Variants in NELL1 observed in about 807,000 individuals in gnomAD.
The protein encoded by NELL1 is protein kinase C-binding protein NELL1.
NELL1 carries 76 observed loss-of-function variants against 107.4 expected under a neutral mutation model. That is an observed-to-expected ratio of 0.71 (90% CI 0.59 to 0.86). The LOEUF is 0.86. Among genes scored for constraint, NELL1 ranks in the 40% least tolerant of loss-of-function variants. The pLI, the probability that NELL1 is intolerant of heterozygous loss-of-function variation, is 0.00. For missense variants in NELL1, 1,024 were observed against 1,005.5 expected (o/e 1.02, Z -0.25); for synonymous variants, 353 against 341.2 (o/e 1.03, Z -0.38).
At chr11:21,294,422 C>T (rs1236189104) in intron 14 of NELL1, among the ~76,000 whole-genome samples, 30 of 152,056 alleles carry the variant, frequency 2.0e-4, no homozygotes, top group Non-Finnish European at 4.4e-5. Context: ...GAGTAGGAAA[C>T]ATATTCAATC....
At chr11:21,355,821 G>A (rs1850919367) in intron 14 of NELL1, among the ~76,000 whole-genome samples, 1 of 152,042 alleles carries the variant, frequency 6.6e-6, no homozygotes, top group Admixed American at 6.6e-5. Context: ...TGACCTTCTG[G>A]TCAGAAGAGT....
intron 14 of NELL1, among the ~76,000 whole-genome samples, chr11:21,247,086 A>G (rs1332490214): frequency 6.6e-6 from 1 of 152,148 alleles, no homozygotes; most frequent in Non-Finnish European, 1.5e-5. Flanking sequence ...TGGTACACCT[A>G]TATAGGGCAC....
At position 21,049,941 on chromosome 11, in the gene NELL1, G is replaced by A. The variant is rs920744801; in HGVS notation, c.1301-63648G>A. 1.9e-3 allele frequency among the ~76,000 whole-genome samples: 204 copies of A among 106,882 alleles called. 1 individual carries two copies. Among genetic ancestry groups the A allele is most frequent in the Admixed American group, 2.1e-3 (25 of 11,772 alleles). 70.1% of individuals were successfully genotyped at this position (106,882 alleles called of 152,430 possible). ...TAATTAATTCGTGCCATTAATTTGT[G>A]GCCTATTGCAGGCCTGAATTCAATG... On this transcript the variant is annotated intron_variant, in intron 12 of 19. Transcript: ENST00000357134.
At chr11:20,813,480 C>G (rs1857548440) in intron 3 of NELL1, among the ~76,000 whole-genome samples, 1 of 151,238 alleles carries the variant, frequency 6.6e-6, no homozygotes, top group Admixed American at 6.6e-5. Context: ...AAAAAAAAAC[C>G]ATTGCTGGCT....
In NELL1 at chr11:21,344,513, C is replaced by CT. The variant is rs571641852; in HGVS notation, c.1550-26330dup. On this transcript the variant is annotated intron_variant, in intron 14 of 19. Coordinates refer to ENST00000357134, the MANE Select transcript of NELL1 (RefSeq NM_006157.5). Reference sequence around the variant, plus strand: ...GTTCTAGGCCTCTCATAACAATTTTCTTTTTTTTTTCTCTGTTTAAAAACT... The same window carrying CT: ...GTTCTAGGCCTCTCATAACAATTTTCTTTTTTTTTTTCTCTGTTTAAAAACT... 1.1e-3 allele frequency among the ~76,000 whole-genome samples: 169 copies of CT among 149,164 alleles called. 3 individuals are homozygous for CT. In the South Asian group the frequency reaches 0.024, roughly 21 times the overall value.
chr11:20,946,516 G>A (rs1338629179), intron 10 of NELL1, among the ~76,000 whole-genome samples: 1 of 152,124 alleles, frequency 6.6e-6, no homozygotes, highest in Non-Finnish European at 1.5e-5. Context: ...TATTACACAC[G>A]TTATTGTAAG....
intron 14 of NELL1, among the ~76,000 whole-genome samples, chr11:21,243,102 GGAT>G (rs1356908384): frequency 7.9e-5 from 12 of 152,004 alleles, no homozygotes. Flanking sequence ...ACTCATTTGA[GGAT>G]GATGCCATTT....
intron 13 of NELL1, among the ~76,000 whole-genome samples, chr11:21,167,888 A>G (rs1193032483): frequency 1.3e-5 from 2 of 151,798 alleles, no homozygotes; most frequent in African/African-American, 4.9e-5. Context: ...ACTTACCTAC[A>G]GAAAACCAAA....
At chr11:21,135,935 G>T (rs1230665384) in intron 13 of NELL1, among the ~76,000 whole-genome samples, 2 of 152,088 alleles carry the variant, frequency 1.3e-5, no homozygotes, top group Non-Finnish European at 2.9e-5. Flanking sequence ...TAGCACGTGA[G>T]CCCCCAGGAT....
intron 12 of NELL1, among the ~76,000 whole-genome samples, chr11:21,070,408 G>A (rs1411288066): frequency 6.6e-6 from 1 of 152,034 alleles, no homozygotes; most frequent in African/African-American, 2.4e-5. Flanking sequence ...TCTCCAAATG[G>A]TATTATAAGG....
intron 18 of NELL1, among the ~76,000 whole-genome samples, chr11:21,572,645 C>T (rs1374242837): frequency 6.6e-6 from 1 of 151,834 alleles, no homozygotes; most frequent in African/African-American, 2.4e-5. Flanking sequence ...TCAGTGGTCA[C>T]ATGTTATATT....
chr11:20,721,219 ATATATATATTTTGTT>A (rs1294329060), intron 2 of NELL1, among the ~76,000 whole-genome samples: 14 of 101,202 alleles, frequency 1.4e-4, no homozygotes, highest in African/African-American at 4.5e-4. Flanking sequence ...TATTTTGTTT[ATATATATATTTTGTT>A]TATATATATA....
chr11:20,917,388 A>G (rs1590413220), intron 5 of NELL1, among the ~76,000 whole-genome samples: 1 of 152,000 alleles, frequency 6.6e-6, no homozygotes, highest in Non-Finnish European at 1.5e-5. Context: ...AGATAAGCAC[A>G]TATATGTTAA....
intron 14 of NELL1, among the ~76,000 whole-genome samples, chr11:21,314,568 G>C (rs1282044054): frequency 1.3e-5 from 2 of 152,108 alleles, no homozygotes; most frequent in African/African-American, 4.8e-5. Flanking sequence ...CAGGATGCTG[G>C]ATATAAAATG....
At chr11:21,181,818 T>C (rs1856832834) in intron 13 of NELL1, among the ~76,000 whole-genome samples, 1 of 151,828 alleles carries the variant, frequency 6.6e-6, no homozygotes, top group Non-Finnish European at 1.5e-5. Flanking sequence ...TTAATTGTCA[T>C]TATTATTATT....
intron 15 of NELL1, among the ~76,000 whole-genome samples, chr11:21,400,649 C>T (rs192363009): frequency 6.6e-6 from 1 of 151,914 alleles, no homozygotes; most frequent in Non-Finnish European, 1.5e-5. Context: ...CATTTCTGCT[C>T]TGCCCAAGCC....
chr11:20,976,028 G>A (rs570413098), intron 12 of NELL1, among the ~76,000 whole-genome samples: 2 of 139,114 alleles, frequency 1.4e-5, no homozygotes, highest in African/African-American at 5.6e-5. Flanking sequence ...GTACATATAT[G>A]TATTATATAC....
chr11:21,510,904 TA>T (rs1394204621), intron 15 of NELL1, among the ~76,000 whole-genome samples: 1 of 152,212 alleles, frequency 6.6e-6, no homozygotes, highest in Non-Finnish European at 1.5e-5. Flanking sequence ...TTTCAATGAT[TA>T]AAATTGAAGT....
chr11:21,247,525 A>C (rs1241593267), intron 14 of NELL1, among the ~76,000 whole-genome samples: 2 of 152,024 alleles, frequency 1.3e-5, no homozygotes, highest in Non-Finnish European at 2.9e-5. Flanking sequence ...TCCACCTCCA[A>C]CTTTTGTCCC....
Sources: gnomAD v4.1 joint callset for allele counts (sites outside exome capture counted in the v4.1 genomes callset) on GRCh38, gnomAD v4.1.1 for gene constraint, MANE v1.5 for transcripts, NCBI Gene and HGNC (gene_info 2026-07-23, HGNC 2026-07-21) for gene names.